The following GPHN variants were observed in gnomAD, a reference collection of about 807,000 sequenced individuals.
GPHN encodes the protein gephyrin.
In GPHN, 17 loss-of-function variants were observed where a neutral mutation model predicts 95.5. That is an observed-to-expected ratio of 0.18 (90% confidence interval 0.12 to 0.27). GPHN has a LOEUF of 0.27. Among genes scored for constraint, GPHN ranks in the 10% least tolerant of loss-of-function variants. The pLI is 1.00. For synonymous variants in GPHN, 320 were observed against 322.5 expected, an observed-to-expected ratio of 0.99 and a Z score of 0.08; for missense variants, 660 against 978.1, an observed-to-expected ratio of 0.67 and a Z score of 4.34.
chr14:66,778,019 A>G (rs1469910991), intron 3 of GPHN, among the ~76,000 whole-genome samples: 3 of 152,160 alleles, frequency 2.0e-5, no homozygotes, highest in Non-Finnish European at 2.9e-5. Context: ...ATTTAGGAAA[A>G]GAGGAAGTCA....
chr14:67,303,403 G>A, the GPHN span: 1 of 712,498 alleles, frequency 1.4e-6, no homozygotes, highest in Non-Finnish European at 2.4e-6. Flanking sequence ...AGTGCTGCTG[G>A]TCATTTAAGT....
At chr14:66,941,939 A>G (rs2067453040) in intron 8 of GPHN, among the ~76,000 whole-genome samples, 1 of 152,210 alleles carries the variant, frequency 6.6e-6, no homozygotes, top group African/African-American at 2.4e-5. Flanking sequence ...AGGATCAGCA[A>G]TATTCCAAAA....
chr14:66,569,307 C>T (rs573010655), intron 1 of GPHN, among the ~76,000 whole-genome samples: 1 of 152,060 alleles, frequency 6.6e-6, no homozygotes, highest in Non-Finnish European at 1.5e-5. Flanking sequence ...TTTTGTAGCT[C>T]AGCAACTTTT....
chr14:66,832,527 G>T (rs1040049081), intron 4 of GPHN, among the ~76,000 whole-genome samples: 4 of 152,058 alleles, frequency 2.6e-5, no homozygotes, highest in African/African-American at 9.7e-5. Flanking sequence ...TAACTTTTTA[G>T]TAATAGCCCA....
At chr14:67,347,605 A>G in the GPHN span, 1 of 643,468 alleles carries the variant, frequency 1.6e-6, no homozygotes, top group South Asian at 2.0e-5. Context: ...AGGTTCAAGC[A>G]ATTCTCCTGG....
At chr14:67,660,046 C>G in the GPHN span, 1 of 994,390 alleles carries the variant, frequency 1.0e-6, no homozygotes, top group Non-Finnish European at 1.5e-6. Flanking sequence ...TAACCATATG[C>G]TCCATGAGGC....
the GPHN span, among the ~76,000 whole-genome samples, chr14:67,542,247 C>T: frequency 6.6e-6 from 1 of 152,326 alleles, no homozygotes; most frequent in South Asian, 2.1e-4. Flanking sequence ...CCATCACTTC[C>T]GGAGTCACCT....
chr14:66,581,750 T>TA (rs1318170503), intron 1 of GPHN, among the ~76,000 whole-genome samples: 13 of 151,882 alleles, frequency 8.6e-5, no homozygotes, highest in Admixed American at 8.5e-4. Context: ...TAGCTATACT[T>TA]ATATCAGATG....
At chr14:66,956,547 T>C (rs1468228093) in intron 8 of GPHN, among the ~76,000 whole-genome samples, 1 of 151,894 alleles carries the variant, frequency 6.6e-6, no homozygotes, top group African/African-American at 2.4e-5. Flanking sequence ...CCAGCACCTG[T>C]TGTTTCCTGA....
chr14:67,395,486 GC>G, the GPHN span: 3 of 1,614,066 alleles, frequency 1.9e-6, no homozygotes, highest in Non-Finnish European at 1.7e-6. Flanking sequence ...TGCATGAATA[GC>G]CCCGGTGATC....
At chr14:67,108,390 G>A (rs1005972792) in intron 13 of GPHN, among the ~76,000 whole-genome samples, 10 of 152,146 alleles carry the variant, frequency 6.6e-5, no homozygotes, top group African/African-American at 2.2e-4. Flanking sequence ...CCAAAGTGGT[G>A]GGAAACTGGT....
intron 4 of GPHN, 48 bp from the exon 5 acceptor site, chr14:66,879,891 C>A: frequency 8.4e-7 from 1 of 1,197,478 alleles, no homozygotes; most frequent in Non-Finnish European, 1.2e-6. Flanking sequence ...TGACTTCATT[C>A]TTTTTTGGCT....
At chr14:66,530,628 G>A (rs868441768) in intron 1 of GPHN, among the ~76,000 whole-genome samples, 7 of 152,336 alleles carry the variant, frequency 4.6e-5, no homozygotes, top group Middle Eastern at 3.4e-3. Flanking sequence ...GGGTTGTGAA[G>A]ACCAAGGGAG....
At chr14:66,742,914 G>A (rs953254365) in intron 2 of GPHN, among the ~76,000 whole-genome samples, 14 of 151,980 alleles carry the variant, frequency 9.2e-5, no homozygotes, top group African/African-American at 3.1e-4. Context: ...GGCGCACACC[G>A]CCATGCTTGG....
At chr14:67,594,498 G>A in the GPHN span, among the ~76,000 whole-genome samples, 5 of 151,958 alleles carry the variant, frequency 3.3e-5, no homozygotes, top group African/African-American at 9.7e-5. Flanking sequence ...AATACAAAAA[G>A]TAGCTGGGCG....
chr14:67,108,712 G>GT (rs1555492926), intron 13 of GPHN, among the ~76,000 whole-genome samples: 1 of 131,142 alleles, frequency 7.6e-6, no homozygotes, highest in Non-Finnish European at 1.6e-5. Flanking sequence ...TTCCCTAAGG[G>GT]GTGTGTGTGT....
the GPHN span, chr14:67,360,165 C>T: frequency 2.7e-5 from 11 of 406,258 alleles, no homozygotes; most frequent in South Asian, 1.0e-3. Flanking sequence ...CTTTCTCGCG[C>T]CTTGAAGGTT....
Position 66,859,296 on chromosome 14 carries a change from C to T in GPHN, c.295-20643C>T, listed in dbSNP as rs139243961. The stretch of plus-strand genomic sequence containing the variant: ...TGTATCAACCCACCATCCCCAGCTC[C>T]GGAAGCACAGCACAGAGAGAGACTC... On this transcript the variant is annotated intron_variant, in intron 4 of 22. Coordinates refer to ENST00000478722, the MANE Select transcript of GPHN (RefSeq NM_020806.5). 2.6e-4 allele frequency among the ~76,000 whole-genome samples: 40 copies of T among 152,252 alleles called. No individual in the cohort carries two copies. In the East Asian group the frequency reaches 2.9e-3, roughly 11 times the overall value.
chr14:67,112,960 G>C (rs1444997930), intron 15 of GPHN, 58 bp from the exon 16 acceptor site: 7 of 1,532,958 alleles, frequency 4.6e-6, no homozygotes, highest in Admixed American at 1.7e-5. Context: ...GTTTCCCTCT[G>C]AGTTGAGAAA....
Sources: allele counts gnomAD v4.1 joint callset (sites outside exome capture counted in the v4.1 genomes callset), GRCh38; gene constraint gnomAD v4.1.1; transcripts MANE v1.5; gene names NCBI Gene and HGNC (gene_info 2026-07-23, HGNC 2026-07-21).